Variants in EIPR1 observed in about 807,000 individuals in gnomAD.
EIPR1 encodes the protein EARP and GARP complex-interacting protein 1.
EIPR1 carries 25 observed loss-of-function variants against 48.1 expected under a neutral mutation model. The observed-to-expected ratio is 0.52, with a 90% CI of 0.38 to 0.73. The LOEUF (loss-of-function observed/expected upper bound fraction) is 0.73. Among genes scored for constraint, EIPR1 ranks in the 30% least tolerant of loss-of-function variants. The probability of loss-of-function intolerance (pLI) is 0.00; values close to 1 mark genes in which losing one functional copy is unlikely to be tolerated. For missense variants in EIPR1, 415 were observed against 506.2 expected, an observed-to-expected ratio of 0.82 and a Z score of 1.73; for synonymous variants, 204 against 201.9, an observed-to-expected ratio of 1.01 and a Z score of -0.09.
At chr2:3,225,798 C>T (rs1666046627) in intron 4 of EIPR1, among the ~76,000 whole-genome samples, 1 of 152,168 alleles carries the variant, frequency 6.6e-6, no homozygotes, top group Non-Finnish European at 1.5e-5. Context: ...CTCCCACTTT[C>T]CAACCCCTCC....
At chr2:3,265,553 CTA>C (rs1171025352) in intron 3 of EIPR1, among the ~76,000 whole-genome samples, 2 of 152,206 alleles carry the variant, frequency 1.3e-5, no homozygotes, top group Non-Finnish European at 2.9e-5. Flanking sequence ...CATCTTTTAT[CTA>C]TGTTTTTCAC....
chr2:3,376,690 C>CA (rs67873034), intron 1 of EIPR1, among the ~76,000 whole-genome samples: 95 of 124,974 alleles, frequency 7.6e-4, no homozygotes, highest in South Asian at 5.2e-3. Flanking sequence ...GACTCCATCT[C>CA]AAAAAAAAAA....
chr2:3,205,533 TA>T (rs1460732059), intron 5 of EIPR1, among the ~76,000 whole-genome samples: 1 of 152,246 alleles, frequency 6.6e-6, no homozygotes, highest in Non-Finnish European at 1.5e-5. Context: ...TGAATCACTT[TA>T]TTTCCAAGCT....
intron 4 of EIPR1, among the ~76,000 whole-genome samples, chr2:3,239,131 G>A (rs566976239): frequency 5.0e-4 from 76 of 152,300 alleles, no homozygotes; most frequent in African/African-American, 1.6e-3. Flanking sequence ...GACCCCACCC[G>A]GCCACTGGGA....
intron 3 of EIPR1, among the ~76,000 whole-genome samples, chr2:3,306,112 C>T (rs1258195602): frequency 1.3e-5 from 2 of 152,214 alleles, no homozygotes; most frequent in Non-Finnish European, 2.9e-5. Context: ...GCTGCATGGG[C>T]ACCCAGCGCA....
chr2:3,350,401 T>A, intron 2 of EIPR1, among the ~76,000 whole-genome samples: 1 of 152,076 alleles, frequency 6.6e-6, no homozygotes, highest in Non-Finnish European at 1.5e-5. Context: ...ACGCCCATGA[T>A]CCAATCACCT....
chr2:3,377,631 C>CTT lies in EIPR1; in HGVS notation c.42+16_42+17insAA. ...CAGCCAGGCCGAGCAGCACCTGCCGCCCTCCCAGTGACCCACCTGGAACTC... is the reference window on the plus strand; with the variant it reads ...CAGCCAGGCCGAGCAGCACCTGCCGCTTCCTCCCAGTGACCCACCTGGAACTC... On this transcript the variant is annotated intron_variant, in intron 1 of 8. Coordinates refer to ENST00000382125, the MANE Select transcript of EIPR1 (RefSeq NM_003310.5). 1.3e-6 allele frequency: 2 copies of CTT among 1,566,868 alleles called. No individual in the cohort carries two copies. The highest frequency in any genetic ancestry group is 1.7e-6 in the Non-Finnish European group (2 of 1,155,310).
chr2:3,265,905 A>C (rs183995459), intron 3 of EIPR1, among the ~76,000 whole-genome samples: 12 of 152,406 alleles, frequency 7.9e-5, no homozygotes, highest in African/African-American at 2.6e-4. Context: ...CCTGACTCCC[A>C]TAACAGCCCC....
intron 3 of EIPR1, among the ~76,000 whole-genome samples, chr2:3,296,778 C>T (rs1668614638): frequency 6.6e-6 from 1 of 152,146 alleles, no homozygotes; most frequent in Non-Finnish European, 1.5e-5. Context: ...ACAGATTGTT[C>T]CCTCTCTGCA....
At chr2:3,246,677 T>G (rs1572350168) in intron 4 of EIPR1, among the ~76,000 whole-genome samples, 1 of 151,740 alleles carries the variant, frequency 6.6e-6, no homozygotes, top group African/African-American at 2.4e-5. Flanking sequence ...AGTGCAGCCT[T>G]GCTCAGCTCC....
At chr2:3,299,624 TCACA>T (rs3064647) in intron 3 of EIPR1, among the ~76,000 whole-genome samples, 189 of 136,800 alleles carry the variant, frequency 1.4e-3, no homozygotes, top group East Asian at 3.0e-3. Flanking sequence ...TCTCTCTCTC[TCACA>T]CACACACACA....
At position 3,208,348 on chromosome 2, in the gene EIPR1, T is replaced by C. The variant is rs1665305272; in HGVS notation, c.516+5801A>G. 1.6e-5 allele frequency: 17 copies of C among 1,055,272 alleles called. No homozygotes were observed. In the South Asian group the frequency reaches 2.9e-4, roughly 18 times the overall value. 65.4% of individuals were successfully genotyped at this position (1,055,272 alleles called of 1,614,324 possible). ...AGGCAGGAGCCACCGTGAGCACCTC[T>C]GTGCCCGGGTGGGACTCATTTATAG... On this transcript the variant is annotated intron_variant, in intron 5 of 8. Coordinates refer to ENST00000382125, the MANE Select transcript of EIPR1 (RefSeq NM_003310.5).
chr2:3,224,260 A>C (rs926024508), intron 4 of EIPR1, among the ~76,000 whole-genome samples: 26 of 152,202 alleles, frequency 1.7e-4, no homozygotes, highest in African/African-American at 6.0e-4. Flanking sequence ...CTCACCATCC[A>C]GACACAGTCT....
At chr2:3,326,076 CCCTCT>C (rs1465129082) in intron 3 of EIPR1, among the ~76,000 whole-genome samples, 1 of 152,226 alleles carries the variant, frequency 6.6e-6, no homozygotes, top group Admixed American at 6.5e-5. Flanking sequence ...AGCACTGCCC[CCCTCT>C]CCTGGGGGTA....
intron 3 of EIPR1, among the ~76,000 whole-genome samples, chr2:3,265,364 G>A (rs1667455240): frequency 1.3e-5 from 2 of 152,202 alleles, no homozygotes; most frequent in Admixed American, 6.5e-5. Flanking sequence ...ACAGCACTAA[G>A]GAAGAAGCAC....
At chr2:3,227,206 G>C (rs1426768223) in intron 4 of EIPR1, among the ~76,000 whole-genome samples, 1 of 152,180 alleles carries the variant, frequency 6.6e-6, no homozygotes, top group African/African-American at 2.4e-5. Flanking sequence ...CTGGAGACTT[G>C]GAGGGCTCAC....
At chr2:3,295,160 T>TAC (rs1236069216) in intron 3 of EIPR1, among the ~76,000 whole-genome samples, 3 of 132,770 alleles carry the variant, frequency 2.3e-5, no homozygotes, top group Admixed American at 7.6e-5. Flanking sequence ...ATGTCCTTTC[T>TAC]ACACACACAC....
chr2:3,214,377 T>G, intron 4 of EIPR1, 129 bp from the exon 5 acceptor site: 1 of 772,714 alleles, frequency 1.3e-6, no homozygotes, highest in Non-Finnish European at 2.1e-6. Context: ...TAGAGTATTT[T>G]TTACACTGTC....
intron 5 of EIPR1, among the ~76,000 whole-genome samples, chr2:3,211,427 G>A (rs913327058): frequency 2.0e-5 from 3 of 152,170 alleles, no homozygotes; most frequent in Admixed American, 2.0e-4. Context: ...CGAGCTCTGA[G>A]ATTAAGCTCG....
Sources: gnomAD v4.1 joint callset for allele counts (sites outside exome capture counted in the v4.1 genomes callset) on GRCh38, gnomAD v4.1.1 for gene constraint, MANE v1.5 for transcripts, NCBI Gene and HGNC (gene_info 2026-07-23, HGNC 2026-07-21) for gene names.